PCDHGA2: variants seen among roughly 807,000 people sequenced by gnomAD.
PCDHGA2 encodes protocadherin gamma-A2.
Under a neutral mutation model 59.2 loss-of-function variants are expected in PCDHGA2, and 40 were observed. The ratio of observed to expected loss-of-function variants is 0.68; its 90% CI spans 0.52 to 0.88. The LOEUF is 0.88. PCDHGA2 is among the 40% of genes least tolerant of loss of function. The pLI is 0.00. For missense variants in PCDHGA2, 1,226 were observed against 1,204.0 expected (o/e 1.02, Z -0.27); for synonymous variants, 560 against 526.0 (o/e 1.06, Z -0.89).
intron 1 of PCDHGA2, among the ~76,000 whole-genome samples, chr5:141,348,518 A>G (rs1224443718): frequency 6.6e-6 from 1 of 152,220 alleles, no homozygotes; most frequent in African/African-American, 2.4e-5. Flanking sequence ...GTCAGGGGAA[A>G]TTTGGATGCT....
intron 1 of PCDHGA2, chr5:141,398,414 G>A (rs373274513): frequency 1.2e-4 from 186 of 1,488,072 alleles, no homozygotes; most frequent in Non-Finnish European, 1.6e-4. Context: ...GAGGAGATAT[G>A]CGGGAAGAAG....
At chr5:141,350,435 T>C (rs1758474649) in intron 1 of PCDHGA2, 17 of 1,609,526 alleles carry the variant, frequency 1.1e-5, no homozygotes, top group South Asian at 4.4e-5. Flanking sequence ...TGTCCGGGAG[T>C]TGCCAACTCG....
intron 1 of PCDHGA2, chr5:141,362,256 G>A (rs775272258): frequency 6.2e-7 from 1 of 1,614,020 alleles, no homozygotes; most frequent in Non-Finnish European, 8.5e-7. Flanking sequence ...TCCTCGCGGT[G>A]ATTCTGGCAA....
At chr5:141,410,787 T>C in intron 1 of PCDHGA2, 2 of 844,672 alleles carry the variant, frequency 2.4e-6, no homozygotes, top group South Asian at 4.4e-5. Flanking sequence ...TGTATTTGGT[T>C]CATAAGTTGC....
At chr5:141,344,660 G>T in intron 1 of PCDHGA2, 1 of 1,614,000 alleles carries the variant, frequency 6.2e-7, no homozygotes, top group Non-Finnish European at 8.5e-7. Flanking sequence ...AAATTCACCA[G>T]CTTGTCCTGG....
intron 2 of PCDHGA2, 166 bp from the exon 3 acceptor site, chr5:141,505,227 T>C: frequency 1.2e-6 from 1 of 840,112 alleles, no homozygotes; most frequent in Non-Finnish European, 1.4e-6. Context: ...TGTGGGATTC[T>C]GGCTTCTGAA....
chr5:141,422,670 C>T, intron 1 of PCDHGA2: 1 of 1,607,244 alleles, frequency 6.2e-7, no homozygotes, highest in Non-Finnish European at 8.5e-7. Flanking sequence ...TCGACCCGGA[C>T]AGCAAACAGA....
intron 1 of PCDHGA2, chr5:141,423,072 G>A: frequency 1.2e-6 from 2 of 1,614,120 alleles, no homozygotes; most frequent in Non-Finnish European, 1.7e-6. Flanking sequence ...CCAGCGAGCC[G>A]GGACTCTTCG....
intron 1 of PCDHGA2, chr5:141,374,321 C>T (rs763545631): frequency 8.7e-6 from 14 of 1,613,942 alleles, no homozygotes; most frequent in Non-Finnish European, 5.1e-6. Context: ...TCTGAATCCG[C>T]GAAACGGCAG....
intron 3 of PCDHGA2, chr5:141,507,418 A>T (rs2099860509): frequency 6.6e-6 from 1 of 152,204 alleles, no homozygotes; most frequent in Non-Finnish European, 1.5e-5. Context: ...CTGTGAGGTT[A>T]AGTGGGGCCA....
intron 1 of PCDHGA2, among the ~76,000 whole-genome samples, chr5:141,450,267 C>T (rs971441306): frequency 4.6e-5 from 7 of 152,106 alleles, no homozygotes; most frequent in African/African-American, 1.7e-4. Context: ...ATCTGCCCAC[C>T]TCAGCTAAGT....
In PCDHGA2 at chr5:141,495,049, T is replaced by G. The variant is rs543734863; in HGVS notation, c.2483+184T>G. ...CCCCGGAAGGAAGAGGCGACTGCCC[T>G]GACTGTTCAGGAAGCTCAATTCACA... On this transcript the variant is annotated intron_variant, in intron 2 of 3. Coordinates refer to ENST00000394576, the MANE Select transcript of PCDHGA2 (RefSeq NM_018915.4). Among the ~76,000 whole-genome samples the G allele has an allele frequency of 5.6e-4, 86 of 152,312 alleles. 1 individual carries two copies. Among genetic ancestry groups the G allele is most frequent in the African/African-American group, 1.6e-3 (65 of 41,578 alleles).
intron 1 of PCDHGA2, among the ~76,000 whole-genome samples, chr5:141,455,286 T>G (rs889792228): frequency 6.6e-6 from 1 of 152,176 alleles, no homozygotes; most frequent in African/African-American, 2.4e-5. Flanking sequence ...AACATCACTT[T>G]ACATAGTTTC....
At chr5:141,350,208 T>C (rs1030085147) in intron 1 of PCDHGA2, 11 of 1,477,052 alleles carry the variant, frequency 7.4e-6, no homozygotes, top group Non-Finnish European at 9.0e-6. Flanking sequence ...GGTGCTGCCA[T>C]TTCTTTTTGA....
chr5:141,458,421 G>T (rs1294502132), intron 1 of PCDHGA2, among the ~76,000 whole-genome samples: 1 of 152,114 alleles, frequency 6.6e-6, no homozygotes, highest in African/African-American at 2.4e-5. Context: ...GGGTTCCAAA[G>T]CTGAAAGAGG....
At chr5:141,497,742 T>C (rs2099779149) in intron 2 of PCDHGA2, among the ~76,000 whole-genome samples, 1 of 152,128 alleles carries the variant, frequency 6.6e-6, no homozygotes, top group South Asian at 2.1e-4. Context: ...TTTCGCCACG[T>C]TGGCCAGGCT....
chr5:141,463,373 GTCTGAAAGTT>G (rs1463437299), intron 1 of PCDHGA2, among the ~76,000 whole-genome samples: 1 of 147,058 alleles, frequency 6.8e-6, no homozygotes, highest in Non-Finnish European at 1.5e-5. Context: ...CTGCCCCACA[GTCTGAAAGTT>G]GTCTCCAGGC....
In PCDHGA2 at chr5:141,430,383, GAA is replaced by G. The variant is rs139772145; in HGVS notation, c.2425-64412_2425-64411del. Among the ~76,000 whole-genome samples the G allele has an allele frequency of 1.3e-3, 180 of 138,574 alleles. 1 individual carries two copies. Among genetic ancestry groups the G allele is most frequent in the African/African-American group, 4.5e-3 (169 of 37,858 alleles). 90.9% of individuals were successfully genotyped at this position (138,574 alleles called of 152,430 possible). A position where few individuals can be genotyped will look rare whatever the true frequency, so the allele number is the denominator to read the frequency against. On this transcript the variant is annotated intron_variant, in intron 1 of 3. Coordinates refer to ENST00000394576, the MANE Select transcript of PCDHGA2 (RefSeq NM_018915.4). ...CATTGGGGAAAAAAAAGCTCATTGG[GAA>G]AAAAAAAAAAAGCTCACTAAAGTTT...
chr5:141,378,005 T>G (rs1425146532), intron 1 of PCDHGA2: 7 of 152,232 alleles, frequency 4.6e-5, no homozygotes, highest in Admixed American at 4.6e-4. Flanking sequence ...TTGGCTCAAA[T>G]AAGCTCTACT....
Sources: allele counts gnomAD v4.1 joint callset (sites outside exome capture counted in the v4.1 genomes callset), GRCh38; gene constraint gnomAD v4.1.1; transcripts MANE v1.5; gene names NCBI Gene and HGNC (gene_info 2026-07-23, HGNC 2026-07-21).